Variants in NKAIN2 observed in about 807,000 individuals in gnomAD.
NKAIN2 encodes sodium/potassium transporting ATPase interacting 2.
Under a neutral mutation model 32.6 loss-of-function variants are expected in NKAIN2, and 14 were observed. The observed-to-expected ratio is 0.43, with a 90% confidence interval of 0.28 to 0.67. The LOEUF is 0.67. NKAIN2 is among the 30% of genes least tolerant of loss of function. NKAIN2 has a pLI of 0.17. For synonymous variants in NKAIN2, 80 were observed against 87.2 expected (o/e 0.92, Z 0.46); for missense variants, 198 against 258.3 (o/e 0.77, Z 1.60).
At chr6:124,190,126 G>A (rs1303431187) in intron 1 of NKAIN2, among the ~76,000 whole-genome samples, 1 of 152,136 alleles carries the variant, frequency 6.6e-6, no homozygotes, top group Non-Finnish European at 1.5e-5. Context: ...CCATAGACAG[G>A]GTTACACGTA....
chr6:124,763,837 AAAAAT>A (rs1358726673), intron 4 of NKAIN2, among the ~76,000 whole-genome samples: 1 of 152,232 alleles, frequency 6.6e-6, no homozygotes, highest in East Asian at 1.9e-4. Context: ...TATATAATTT[AAAAAT>A]AAAATAAGCT....
chr6:124,546,018 A>G (rs1039847243), intron 3 of NKAIN2, among the ~76,000 whole-genome samples: 1 of 152,180 alleles, frequency 6.6e-6, no homozygotes, highest in African/African-American at 2.4e-5. Flanking sequence ...AAAAAAAAAC[A>G]GTGAAGAAAA....
chr6:124,063,209 C>A (rs187623100), intron 1 of NKAIN2, among the ~76,000 whole-genome samples: 2,038 of 151,708 alleles, frequency 0.013, 32 homozygotes, highest in African/African-American at 0.039. Flanking sequence ...ATATATATAT[C>A]TATCTGGTAT....
At chr6:124,057,755 T>G (rs1424207644) in intron 1 of NKAIN2, among the ~76,000 whole-genome samples, 2 of 151,882 alleles carry the variant, frequency 1.3e-5, no homozygotes, top group African/African-American at 4.8e-5. Flanking sequence ...AGTCCCCAAT[T>G]TAAAAACAAC....
intron 3 of NKAIN2, among the ~76,000 whole-genome samples, chr6:124,544,616 G>A (rs1161690233): frequency 1.3e-5 from 2 of 151,840 alleles, no homozygotes; most frequent in African/African-American, 4.8e-5. Context: ...CTAAACTAGG[G>A]GCAAGGAATG....
At chr6:124,561,652 T>C (rs1200942048) in intron 3 of NKAIN2, among the ~76,000 whole-genome samples, 1 of 152,016 alleles carries the variant, frequency 6.6e-6, no homozygotes, top group African/African-American at 2.4e-5. Context: ...AAAAGAAGAG[T>C]AGCAGATTCA....
chr6:124,797,110 C>T (rs552822927), intron 5 of NKAIN2, among the ~76,000 whole-genome samples: 10 of 138,922 alleles, frequency 7.2e-5, no homozygotes, highest in Admixed American at 2.4e-4. Flanking sequence ...TAGCACTGTT[C>T]GATGTGGCAA....
intron 1 of NKAIN2, among the ~76,000 whole-genome samples, chr6:123,881,253 C>T (rs751982509): frequency 2.2e-4 from 33 of 152,160 alleles, no homozygotes; most frequent in Non-Finnish European, 4.0e-4. Context: ...AACTCCTGAC[C>T]TCAGGTGATC....
chr6:124,142,967 A>G (rs1787216249), intron 1 of NKAIN2, among the ~76,000 whole-genome samples: 1 of 152,166 alleles, frequency 6.6e-6, no homozygotes, highest in African/African-American at 2.4e-5. Context: ...TCACTCTAAA[A>G]TCCACGTACT....
At chr6:124,226,720 C>G (rs1322425688) in intron 1 of NKAIN2, among the ~76,000 whole-genome samples, 1 of 152,066 alleles carries the variant, frequency 6.6e-6, no homozygotes, top group Non-Finnish European at 1.5e-5. Context: ...AAGAGCCAAT[C>G]TCTTTACTTT....
intron 3 of NKAIN2, among the ~76,000 whole-genome samples, chr6:124,656,994 A>G (rs1294756971): frequency 1.3e-5 from 2 of 152,090 alleles, no homozygotes; most frequent in African/African-American, 4.8e-5. Context: ...AAAAAAAGAG[A>G]TCACCCCTAC....
chr6:123,832,143 C>G (rs916963503), intron 1 of NKAIN2, among the ~76,000 whole-genome samples: 1 of 152,112 alleles, frequency 6.6e-6, no homozygotes, highest in Non-Finnish European at 1.5e-5. Flanking sequence ...TCTCTGCGCC[C>G]CAGCCAACCC....
chr6:124,779,838 CAGA>C (rs1420894028), intron 4 of NKAIN2, among the ~76,000 whole-genome samples: 2 of 152,156 alleles, frequency 1.3e-5, no homozygotes, highest in Non-Finnish European at 2.9e-5. Flanking sequence ...CCAAATTCAG[CAGA>C]AGAACTGCCC....
intron 6 of NKAIN2, chr6:124,819,095 C>G (rs1781288575): frequency 1.0e-6 from 1 of 954,282 alleles, no homozygotes; most frequent in Non-Finnish European, 1.2e-6. Flanking sequence ...GGCAAATTCC[C>G]TTGGATAACA....
At chr6:124,283,290 G>A in intron 2 of NKAIN2, 148 bp downstream of exon 2, 2 of 575,054 alleles carry the variant, frequency 3.5e-6, no homozygotes, top group South Asian at 4.9e-5. Flanking sequence ...CATAGTTTCA[G>A]ATTCCATCAA....
At chr6:124,592,032 A>G (rs1781930942) in intron 3 of NKAIN2, among the ~76,000 whole-genome samples, 1 of 152,186 alleles carries the variant, frequency 6.6e-6, no homozygotes, top group South Asian at 2.1e-4. Flanking sequence ...GATGAATTAA[A>G]AATTCATACA....
intron 2 of NKAIN2, among the ~76,000 whole-genome samples, chr6:124,332,070 A>C (rs540318877): frequency 7.2e-5 from 11 of 152,168 alleles, no homozygotes; most frequent in Non-Finnish European, 1.0e-4. Context: ...TTTAAAGACA[A>C]AATGGATAAG....
intron 3 of NKAIN2, among the ~76,000 whole-genome samples, chr6:124,610,958 T>C (rs1782667189): frequency 6.6e-6 from 1 of 152,170 alleles, no homozygotes; most frequent in East Asian, 1.9e-4. Context: ...GTATAAGGGA[T>C]AGAATTTCCT....
At chr6:124,213,821 G>A (rs1371780133) in intron 1 of NKAIN2, among the ~76,000 whole-genome samples, 3 of 152,076 alleles carry the variant, frequency 2.0e-5, no homozygotes, top group African/African-American at 7.2e-5. Context: ...ATCTGTGGTT[G>A]CATAGGATGA....
Sources: gnomAD v4.1 joint callset for allele counts (sites outside exome capture counted in the v4.1 genomes callset) on GRCh38, gnomAD v4.1.1 for gene constraint, MANE v1.5 for transcripts, NCBI Gene and HGNC (gene_info 2026-07-23, HGNC 2026-07-21) for gene names.